Variants in CUX2 observed in about 807,000 individuals in gnomAD.
CUX2 encodes the protein homeobox protein cut-like 2.
A neutral mutation model predicts 144.8 loss-of-function variants in CUX2; 40 were observed. That is an observed-to-expected ratio of 0.28 (90% CI 0.21 to 0.36). CUX2 has a LOEUF of 0.36. CUX2 is among the 10% of genes least tolerant of loss of function. The pLI is 1.00. For synonymous variants in CUX2, 827 were observed against 875.6 expected (o/e 0.94, Z 0.98); for missense variants, 1,615 against 1,994.0 (o/e 0.81, Z 3.62).
At chr12:111,204,805 G>A (rs1312396977) in intron 1 of CUX2, among the ~76,000 whole-genome samples, 1 of 152,162 alleles carries the variant, frequency 6.6e-6, no homozygotes, top group Non-Finnish European at 1.5e-5. Flanking sequence ...AGCCCTCTAT[G>A]GGGCAGTTGT....
At chr12:111,298,226 C>T (rs1483588321) in intron 8 of CUX2, among the ~76,000 whole-genome samples, 1 of 152,162 alleles carries the variant, frequency 6.6e-6, no homozygotes, top group Non-Finnish European at 1.5e-5. Context: ...ACACTGTGAT[C>T]AGGGTTTTAA....
intron 3 of CUX2, among the ~76,000 whole-genome samples, chr12:111,220,280 G>A (rs1881774618): frequency 6.6e-6 from 1 of 152,186 alleles, no homozygotes; most frequent in Admixed American, 6.5e-5. Flanking sequence ...GTGACCTCCA[G>A]TACAGGTTTA....
In CUX2 at chr12:111,307,641, G is replaced by A. The variant is rs1299576149; in HGVS notation, c.1109+384G>A. The stretch of plus-strand genomic sequence containing the variant: ...GAGCCTGAGAGGTCAAGGCTGCAGT[G>A]AGCTGTGGTGGCACCACTGCACTCC... On this transcript the variant is annotated intron_variant, in intron 12 of 21. Coordinates refer to ENST00000261726, the MANE Select transcript of CUX2 (RefSeq NM_015267.4). The surrounding 1 kb of genome is among the most constrained non-coding windows in gnomAD (Gnocchi z 4.1). Among the ~76,000 whole-genome samples, 1 of 152,196 alleles carries A rather than the reference G, an allele frequency of 6.6e-6. No individual in the cohort carries two copies. The highest frequency in any genetic ancestry group is 1.5e-5 in the Non-Finnish European group (1 of 68,028).
intron 1 of CUX2, among the ~76,000 whole-genome samples, chr12:111,074,099 A>G (rs1381451355): frequency 6.7e-6 from 1 of 148,686 alleles, no homozygotes; most frequent in Non-Finnish European, 1.5e-5. Flanking sequence ...TTTATCTGAA[A>G]TGAAATGTGT....
At chr12:111,230,554 C>T (rs148466628) in intron 3 of CUX2, among the ~76,000 whole-genome samples, 2 of 152,308 alleles carry the variant, frequency 1.3e-5, no homozygotes, top group East Asian at 3.9e-4. Flanking sequence ...CCGACCCTGG[C>T]TGCCCAGTGG....
rs764863965 is a variant in CUX2, at chr12:111,347,783, G to C, written c.3919G>C (p.Ala1307Pro). 5 of 1,613,576 alleles carry C rather than the reference G, an allele frequency of 3.1e-6. No individual in the cohort carries two copies. The highest frequency in any genetic ancestry group is 4.2e-6 in the Non-Finnish European group (5 of 1,179,918). ...RIKQEQMEED[A>P]EEEAGSQPQD... ...CAAGCAGGAACAGATGGAGGAGGAT[G>C]CTGAGGAAGAGGCAGGCAGCCAGCC... The change falls in exon 22 of 22, where the codon GCT becomes CCT. Residue 1307 changes from alanine to proline, a missense_variant. This residue lies in a region of CUX2 where 298 missense variants were observed against 330.4 expected (regional missense o/e 0.90). Coordinates refer to ENST00000261726, the MANE Select transcript of CUX2 (RefSeq NM_015267.4).
chr12:111,214,134 G>GA (rs1881386866), intron 1 of CUX2, 66 bp from the exon 2 acceptor site: 3 of 1,083,976 alleles, frequency 2.8e-6, no homozygotes, highest in Admixed American at 2.6e-5. Flanking sequence ...GGTTAAAAAG[G>GA]AAAAAAAGAA....
Position 111,293,038 on chromosome 12 carries a change from G to A in CUX2, c.437-408G>A, listed in dbSNP as rs775029341. Reference sequence around the variant, plus strand: ...CTCGGGAGGCTGAGGCGGGAGAATCGCTTGAACCCAGGAGGCAGAGGTTGC... The same window carrying A: ...CTCGGGAGGCTGAGGCGGGAGAATCACTTGAACCCAGGAGGCAGAGGTTGC... On this transcript the variant is annotated intron_variant, in intron 5 of 21. Transcript: ENST00000261726. The surrounding 1 kb of genome is among the most constrained non-coding windows in gnomAD (Gnocchi z 4.5). 1.3e-5 allele frequency among the ~76,000 whole-genome samples: 2 copies of A among 151,954 alleles called. No homozygotes were observed. Among genetic ancestry groups the A allele is most frequent in the African/African-American group, 2.4e-5 (1 of 41,354 alleles).
intron 1 of CUX2, 135 bp from the exon 2 acceptor site, chr12:111,214,065 C>T (rs1426823838): frequency 6.8e-6 from 3 of 442,210 alleles, no homozygotes; most frequent in Non-Finnish European, 8.0e-6. Context: ...AGTCAATATC[C>T]TGTCTTTTCT....
rs911027035 is a variant in CUX2 at position 111,288,539 on chromosome 12, G to A, written c.302-2879G>A. Among the ~76,000 whole-genome samples, 3 of 151,874 alleles carry A rather than the reference G, an allele frequency of 2.0e-5. No individual in the cohort carries two copies. In the South Asian group the frequency reaches 6.2e-4, roughly 32 times the overall value. ...AGCAGATACTGGCAGAAAAATCTGG[G>A]GGAGCGACCAGGCACGATAACTCAT... On this transcript the variant is annotated intron_variant, in intron 4 of 21. Transcript: ENST00000261726.
At chr12:111,157,140 C>T (rs773982184) in intron 1 of CUX2, among the ~76,000 whole-genome samples, 2 of 150,664 alleles carry the variant, frequency 1.3e-5, no homozygotes, top group East Asian at 1.9e-4. Context: ...TGGGTAGAAT[C>T]GCCCAGTATC....
intron 1 of CUX2, among the ~76,000 whole-genome samples, chr12:111,197,992 T>C (rs1463248038): frequency 6.6e-6 from 1 of 152,240 alleles, no homozygotes; most frequent in Non-Finnish European, 1.5e-5. Context: ...CTTTCTTCCC[T>C]TTCTTGCTGC....
chr12:111,087,389 AAAAAAG>A (rs1487293257), intron 1 of CUX2, among the ~76,000 whole-genome samples: 12 of 151,316 alleles, frequency 7.9e-5, no homozygotes, highest in African/African-American at 2.7e-4. Flanking sequence ...AAAAAAAAAA[AAAAAAG>A]AAAGAAAAGA....
intron 1 of CUX2, among the ~76,000 whole-genome samples, chr12:111,091,064 A>T (rs975067241): frequency 3.3e-5 from 5 of 152,142 alleles, no homozygotes; most frequent in Non-Finnish European, 7.4e-5. Flanking sequence ...TGTCCTCACT[A>T]CATGGGACCT....
intron 1 of CUX2, among the ~76,000 whole-genome samples, chr12:111,201,726 A>G (rs1194963726): frequency 1.3e-5 from 2 of 152,180 alleles, no homozygotes; most frequent in South Asian, 2.1e-4. Flanking sequence ...ATTTTTCCAG[A>G]GCTTCCTGAG....
At chr12:111,148,455 T>C (rs1876836714) in intron 1 of CUX2, among the ~76,000 whole-genome samples, 1 of 152,212 alleles carries the variant, frequency 6.6e-6, no homozygotes. Context: ...ATAGTGGTGA[T>C]GTTGCACAAT....
chr12:111,297,388 G>T (rs1414821513), intron 8 of CUX2, among the ~76,000 whole-genome samples: 1 of 152,156 alleles, frequency 6.6e-6, no homozygotes, highest in East Asian at 1.9e-4. Context: ...TCGGCTGGAG[G>T]CCCCCGTTTC....
chr12:111,342,081 CG>C, intron 21 of CUX2, 28 bp downstream of exon 21: 1 of 1,584,658 alleles, frequency 6.3e-7, no homozygotes, highest in Non-Finnish European at 8.6e-7. Context: ...TACCCACAGG[CG>C]GGTGGCAGAA....
intron 3 of CUX2, among the ~76,000 whole-genome samples, chr12:111,237,327 C>T (rs1240207038): frequency 1.3e-5 from 2 of 152,186 alleles, no homozygotes; most frequent in Non-Finnish European, 2.9e-5. Flanking sequence ...TCCCAGGATG[C>T]TTTTCCTCCT....
Sources: allele counts gnomAD v4.1 joint callset (sites outside exome capture counted in the v4.1 genomes callset), GRCh38; gene constraint gnomAD v4.1.1; regional missense constraint gnomAD v4.1.1; non-coding constraint Gnocchi (gnomAD v3.1); transcripts MANE v1.5; gene names NCBI Gene and HGNC (gene_info 2026-07-23, HGNC 2026-07-21).